Variants in GPI observed in about 807,000 individuals in gnomAD.
GPI encodes glucose-6-phosphate isomerase, also known as D-hexose-6-phosphate anomerase.
GPI carries 56 observed loss-of-function variants against 75.8 expected under a neutral mutation model. That is an observed-to-expected ratio of 0.74 (90% CI 0.60 to 0.92). GPI has a LOEUF of 0.92. Among genes scored for constraint, GPI ranks in the 40% least tolerant of loss-of-function variants. The pLI, the probability that GPI is intolerant of heterozygous loss-of-function variation, is 0.00. For missense variants in GPI, 638 were observed against 741.0 expected, an observed-to-expected ratio of 0.86 and a Z score of 1.61; for synonymous variants, 288 against 285.4, an observed-to-expected ratio of 1.01 and a Z score of -0.09.
rs543700665 is a variant in GPI at position 34,365,469 on chromosome 19, C to T, written c.122+81C>T. The T allele has an allele frequency of 6.0e-6, 9 of 1,507,082 alleles. No homozygotes were observed. In the Admixed American group the frequency reaches 1.8e-4, roughly 31 times the overall value. The allele number at this position is 1,507,082 out of a possible 1,614,324, so 93.4% of individuals were successfully genotyped here. A position where few individuals can be genotyped will look rare whatever the true frequency, so the allele number is the denominator to read the frequency against. Reference sequence around the variant, plus strand: ...CGGGCCTGGGGTCTGGAGGCGGGGGCAGCGGTGCCCGGGGACCCCAGTCCC... The same window carrying T: ...CGGGCCTGGGGTCTGGAGGCGGGGGTAGCGGTGCCCGGGGACCCCAGTCCC... On this transcript the variant is annotated intron_variant, in intron 1 of 17. Coordinates refer to ENST00000356487, the MANE Select transcript of GPI (RefSeq NM_000175.5).
intron 14 of GPI, chr19:34,397,896 T>C (rs979359078): frequency 1.3e-5 from 2 of 151,134 alleles, no homozygotes; most frequent in African/African-American, 4.9e-5. Context: ...ATTTATTTAT[T>C]TTATTTTAGA....
At chr19:34,380,882 C>G (rs776013062) in intron 8 of GPI, 11 of 207,746 alleles carry the variant, frequency 5.3e-5, no homozygotes, top group Non-Finnish European at 2.0e-5. Flanking sequence ...TGTTGCCTGC[C>G]TGCAACTGAC....
intron 9 of GPI, among the ~76,000 whole-genome samples, chr19:34,391,422 G>A (rs2074829993): frequency 6.7e-6 from 1 of 148,440 alleles, no homozygotes; most frequent in Non-Finnish European, 1.5e-5. Context: ...ATGAGGATCT[G>A]CGTCTGTCAA....
chr19:34,391,957 G>A (rs1201511774), intron 9 of GPI, among the ~76,000 whole-genome samples: 12 of 476 alleles, frequency 0.025, no homozygotes, highest in Non-Finnish European at 0.039. Flanking sequence ...GATCTGGCAT[G>A]AGTATGAGGA....
chr19:34,399,728 A>G lies in GPI; in HGVS notation c.1484A>G (p.Glu495Gly), dbSNP rs372480304. The change falls in exon 17 of 18, where the codon GAG (glutamate) becomes GGG (glycine). Residue 495 changes from glutamate (E) to glycine (G), a missense_variant. By Grantham distance (98) the Glu-to-Gly change is moderately conservative (BLOSUM62 -2). Transcript: ENST00000356487. Reference protein sequence around the residue: ...FMLGALVAMYEHKIFVQGIIW... With the variant: ...FMLGALVAMYGHKIFVQGIIW... ...TCTGTCACTTCTGCAGCCATGTATG[A>G]GCACAAGATCTTCGTTCAGGGCATC... The G allele has an allele frequency of 2.8e-5, 45 of 1,614,008 alleles. No individual in the cohort carries two copies. The highest frequency in any genetic ancestry group is 3.6e-5 in the Non-Finnish European group (43 of 1,180,004).
chr19:34,365,246 A>T lies in GPI; in HGVS notation c.-21A>T, dbSNP rs1393746378. 1 of 1,530,256 alleles carries T rather than the reference A, an allele frequency of 6.5e-7. No individual in the cohort carries two copies. The highest frequency in any genetic ancestry group is 2.6e-5 in the East Asian group (1 of 38,100). The allele number at this position is 1,530,256 out of a possible 1,614,324, so 94.8% of individuals were successfully genotyped here. On this transcript the variant is annotated 5_prime_UTR_variant, in exon 1 of 18. Transcript: ENST00000356487. ...TTCCTCCTCGGCTCGCGTCTCACTC[A>T]GTGTACCTTCTAGTCCCGCCATGGC...
At chr19:34,377,130 G>T (rs1265063758) in intron 4 of GPI, among the ~76,000 whole-genome samples, 3 of 150,296 alleles carry the variant, frequency 2.0e-5, no homozygotes, top group Admixed American at 6.6e-5. Flanking sequence ...GTGAAACCCT[G>T]TCTCTACTAA....
intron 9 of GPI, among the ~76,000 whole-genome samples, chr19:34,387,231 A>G (rs2074749546): frequency 6.6e-6 from 1 of 152,202 alleles, no homozygotes. Context: ...GTTGGACACA[A>G]ATAGGCAGAA....
chr19:34,365,157 C>A (rs1215404920), upstream of GPI: 27 of 1,235,684 alleles, frequency 2.2e-5, no homozygotes, highest in Non-Finnish European at 2.6e-5. Context: ...CCGGGCCGGG[C>A]GCCTGCGCCA....
At position 34,396,334 on chromosome 19, in the gene GPI, A is replaced by G. The variant is rs2074943882; in HGVS notation, c.1096A>G (p.Lys366Glu). The G allele has an allele frequency of 6.2e-7, 1 of 1,614,198 alleles. No homozygotes were observed. Among genetic ancestry groups the G allele is most frequent in the East Asian group, 2.2e-5 (1 of 44,878 alleles). The part of the protein sequence containing the change: ...DMESNGKYIT[K>E]SGTRVDHQTG... Reference sequence around the variant, plus strand: ...GGAGTCCAATGGGAAATACATCACCAAATCTGGAACCCGTGTGGACCACCA... The same window carrying G: ...GGAGTCCAATGGGAAATACATCACCGAATCTGGAACCCGTGTGGACCACCA... Residue 366 changes from lysine to glutamate, a missense_variant, in exon 13 of 18, where the codon AAA becomes GAA. Coordinates refer to ENST00000356487, the MANE Select transcript of GPI (RefSeq NM_000175.5).
Position 34,366,360 on chromosome 19 carries a change from C to G in GPI, c.138C>G (p.Thr46=). The part of the protein sequence containing the change: ...RFNHFSLTLN[T]NHGHILVDYS... ...CTTTCTGCAGCTTGACCCTCAACAC[C>G]AACCATGGGCATATCCTGGTGGATT... The change falls in exon 2 of 18, where the codon ACC becomes ACG. Residue 46 remains threonine, a synonymous_variant. Transcript: ENST00000356487. The G allele has an allele frequency of 6.2e-7, 1 of 1,611,618 alleles. No individual in the cohort carries two copies. The highest frequency in any genetic ancestry group is 8.5e-7 in the Non-Finnish European group (1 of 1,177,698).
chr19:34,392,926 T>A (rs887905115), intron 9 of GPI: 1 of 417,452 alleles, frequency 2.4e-6, no homozygotes, highest in African/African-American at 2.1e-5. Flanking sequence ...GCCCTGGGTG[T>A]GTCCGTGTCT....
upstream of GPI, chr19:34,365,136 G>T: frequency 5.8e-6 from 7 of 1,211,830 alleles, no homozygotes; most frequent in Non-Finnish European, 7.2e-6. Flanking sequence ...CAGGGGTGGG[G>T]CCGGGCCGGG....
rs374211703 is a variant in GPI at position 34,378,464 on chromosome 19, C to A, written c.634-470C>A. Among the ~76,000 whole-genome samples, 65 of 152,260 alleles carry A rather than the reference C, an allele frequency of 4.3e-4. 1 individual carries two copies. In the South Asian group the frequency reaches 8.3e-3, roughly 19 times the overall value. On this transcript the variant is annotated intron_variant, in intron 6 of 17. Coordinates refer to ENST00000356487, the MANE Select transcript of GPI (RefSeq NM_000175.5). ...TCCTGACCTCAGGTGATGCACCCCC[C>A]CTTGGCCTCCCAAAGTGCTGGGATT...
intron 9 of GPI, among the ~76,000 whole-genome samples, chr19:34,383,698 A>G (rs986823155): frequency 1.2e-4 from 19 of 152,254 alleles, no homozygotes; most frequent in African/African-American, 4.6e-4. Flanking sequence ...AGGCAAGGAC[A>G]GGGGAGCTGG....
chr19:34,393,832 TC>T lies in GPI; in HGVS notation c.909+66del. 1 of 1,603,002 alleles carries T rather than the reference TC, an allele frequency of 6.2e-7. No homozygotes were observed. ...CCAGAGGCGCGTGTGTTGGTCCTGG[TC>T]CCCCGCTTTCTCCCCCACTGTCCTG... On this transcript the variant is annotated intron_variant, in intron 11 of 17. Coordinates refer to ENST00000356487, the MANE Select transcript of GPI (RefSeq NM_000175.5). The surrounding 1 kb of genome is among the most constrained non-coding windows in gnomAD (Gnocchi z 4.4).
At chr19:34,379,453 G>C in intron 7 of GPI, 65 bp from the exon 8 acceptor site, 1 of 1,386,076 alleles carries the variant, frequency 7.2e-7, no homozygotes, top group African/African-American at 1.4e-5. Flanking sequence ...TTCCTCTAGT[G>C]ATGGGAAGTG....
At position 34,394,151 on chromosome 19, in the gene GPI, A is replaced by G. The variant is rs562791733; in HGVS notation, c.1062+85A>G. The G allele has an allele frequency of 1.6e-5, 16 of 1,020,166 alleles. No homozygotes were observed. The South Asian group carries it at 2.1e-4, about 13-fold the overall frequency. The allele number at this position is 1,020,166 out of a possible 1,614,324, so 63.2% of individuals were successfully genotyped here. ...TAGGAACCTGGGTTTCAGCTCCTCC[A>G]GGAGCTCTTTGCCCCATTGCCCTTG... On this transcript the variant is annotated intron_variant, in intron 12 of 17. Transcript: ENST00000356487.
chr19:34,387,326 C>G (rs758030439), intron 9 of GPI, among the ~76,000 whole-genome samples: 1 of 152,194 alleles, frequency 6.6e-6, no homozygotes, highest in Non-Finnish European at 1.5e-5. Context: ...CCGATGCAGG[C>G]TCAGTGCTGG....
Sources: gnomAD v4.1 joint callset for allele counts (sites outside exome capture counted in the v4.1 genomes callset) on GRCh38, gnomAD v4.1.1 for gene constraint, Gnocchi (gnomAD v3.1) non-coding constraint, MANE v1.5 for transcripts, NCBI Gene and HGNC (gene_info 2026-07-23, HGNC 2026-07-21) for gene names.